The following AGAP3 variants were observed in gnomAD, a reference collection of about 807,000 sequenced individuals.
AGAP3 encodes ArfGAP with GTPase domain, ankyrin repeat and PH domain 3, also known as arf-GAP with GTPase, ANK repeat and PH domain-containing protein 3.
Under a neutral mutation model 96.9 loss-of-function variants are expected in AGAP3, and 24 were observed. That is an observed-to-expected ratio of 0.25 (90% CI 0.18 to 0.35). The LOEUF is 0.35. Among genes scored for constraint, AGAP3 ranks in the 10% least tolerant of loss-of-function variants. The probability of loss-of-function intolerance (pLI) is 1.00; values close to 1 mark genes in which losing one functional copy is unlikely to be tolerated. For missense variants in AGAP3, 876 were observed against 1,254.2 expected, an observed-to-expected ratio of 0.70 and a Z score of 4.55; for synonymous variants, 563 against 536.1, an observed-to-expected ratio of 1.05 and a Z score of -0.69.
intron 1 of AGAP3, 148 bp downstream of exon 1, chr7:151,087,220 T>TG (rs895069508): frequency 1.7e-4 from 138 of 833,636 alleles, no homozygotes; most frequent in Non-Finnish European, 2.3e-4. Flanking sequence ...CCGATCTGTG[T>TG]TGCAGAACCG....
intron 3 of AGAP3, 50 bp from the exon 4 acceptor site, chr7:151,117,321 C>T (rs1395307381): frequency 1.2e-6 from 2 of 1,610,090 alleles, no homozygotes; most frequent in South Asian, 2.2e-5. Context: ...TCTTCTTGGC[C>T]CCTGGATTCT....
At chr7:151,130,310 G>C (rs2150513058) in intron 10 of AGAP3, among the ~76,000 whole-genome samples, 1 of 152,298 alleles carries the variant, frequency 6.6e-6, no homozygotes, top group South Asian at 2.1e-4. Flanking sequence ...GTGGGGTTGG[G>C]CTGGGTTTTG....
intron 1 of AGAP3, among the ~76,000 whole-genome samples, chr7:151,087,390 C>A (rs1214386327): frequency 6.6e-6 from 1 of 152,048 alleles, no homozygotes; most frequent in Non-Finnish European, 1.5e-5. Context: ...GCTTCAGCTG[C>A]GGGGAGGTGG....
At position 151,118,735 on chromosome 7, in the gene AGAP3, T is replaced by A; in HGVS notation, c.969+103T>A. ...GGCCTCCTGCTCACACCTGTCCACC[T>A]TCCTCTGGCCTCCCAGCCTTGCATG... On this transcript the variant is annotated intron_variant, in intron 7 of 17. Transcript: ENST00000397238. This position sits in a 1 kb window ranked among gnomAD's most constrained non-coding sequence, Gnocchi z 6.1. 7.0e-7 allele frequency: 1 copy of A among 1,429,436 alleles called. No individual in the cohort carries two copies. The highest frequency in any genetic ancestry group is 2.2e-4 in the Middle Eastern group (1 of 4,562). 88.5% of individuals were successfully genotyped at this position (1,429,436 alleles called of 1,614,324 possible).
intron 10 of AGAP3, among the ~76,000 whole-genome samples, chr7:151,129,198 C>T (rs1800303717): frequency 6.6e-6 from 1 of 152,074 alleles, no homozygotes; most frequent in South Asian, 2.1e-4. Flanking sequence ...CCCTGTGCAG[C>T]TCCCCCACCC....
At chr7:151,098,371 A>G (rs774272530) in intron 1 of AGAP3, among the ~76,000 whole-genome samples, 87 of 152,056 alleles carry the variant, frequency 5.7e-4, no homozygotes, top group Non-Finnish European at 1.1e-3. Flanking sequence ...ACACACACAT[A>G]CAAACACACA....
Position 151,122,314 on chromosome 7 carries a change from TCTCCTTGTTCC to T in AGAP3, c.1129-1476_1129-1466del, listed in dbSNP as rs574311349. ...CTCTCCGGCGGCTCTTTTGCCCGGT[TCTCCTTGTTCC>T]CTCTGGCCTTGCTTTCTCCCACGCT... On this transcript the variant is annotated intron_variant, in intron 8 of 17. Coordinates refer to ENST00000397238, the MANE Select transcript of AGAP3 (RefSeq NM_031946.7). 1.5e-3 allele frequency among the ~76,000 whole-genome samples: 221 copies of T among 152,292 alleles called. 1 individual carries two copies. The highest frequency in any genetic ancestry group is 5.2e-3 in the African/African-American group (216 of 41,568).
intron 8 of AGAP3, among the ~76,000 whole-genome samples, chr7:151,121,728 C>G (rs1040225465): frequency 6.6e-6 from 1 of 152,180 alleles, no homozygotes; most frequent in Admixed American, 6.5e-5. Flanking sequence ...CTCACAGCGG[C>G]GACCTTATAT....
chr7:151,143,919 G>A lies in AGAP3; in HGVS notation c.2712G>A (p.Leu904=), dbSNP rs781523562. Reference sequence around the variant, plus strand: ...ATGGCACCAACCCCTCTGCTGAGCTGCACCGTAGTCCTAGCCTCCTATAAG... The same window carrying A: ...ATGGCACCAACCCCTCTGCTGAGCTACACCGTAGTCCTAGCCTCCTATAAG... ...PANGTNPSAE[L]HRSPSLL Residue 904 remains leucine, a synonymous_variant, in exon 18 of 18, where the codon CTG becomes CTA. Coordinates refer to ENST00000397238, the MANE Select transcript of AGAP3 (RefSeq NM_031946.7). This position sits in a 1 kb window ranked among gnomAD's most constrained non-coding sequence, Gnocchi z 5.9. The A allele has an allele frequency of 9.3e-6, 15 of 1,614,066 alleles. No individual in the cohort carries two copies. In the South Asian group the frequency reaches 1.4e-4, roughly 15 times the overall value.
chr7:151,099,817 T>TG (rs1003772184), intron 1 of AGAP3, among the ~76,000 whole-genome samples: 3 of 152,238 alleles, frequency 2.0e-5, no homozygotes, highest in Non-Finnish European at 4.4e-5. Flanking sequence ...GTAAGGTTTT[T>TG]TTTGTTTGTT....
intron 9 of AGAP3, among the ~76,000 whole-genome samples, chr7:151,127,785 G>A (rs763804604): frequency 5.3e-5 from 8 of 152,324 alleles, no homozygotes; most frequent in African/African-American, 1.4e-4. Context: ...GTTGAGCATC[G>A]TCTCCTTCTA....
Position 151,102,028 on chromosome 7 carries a change from G to A in AGAP3, c.332-14765G>A, listed in dbSNP as rs1398143272. Among the ~76,000 whole-genome samples, 4 of 152,212 alleles carry A rather than the reference G, an allele frequency of 2.6e-5. No individual in the cohort carries two copies. The East Asian group carries it at 7.7e-4, about 29-fold the overall frequency. ...AAGGGTAAAATAAAGCAGAGGTGCA[G>A]ATGACAGCCTGCTTAGGCTGGGAGT... On this transcript the variant is annotated intron_variant, in intron 1 of 17. Transcript: ENST00000397238.
intron 8 of AGAP3, chr7:151,122,894 C>A: frequency 6.5e-7 from 1 of 1,530,964 alleles, no homozygotes; most frequent in Non-Finnish European, 8.7e-7. Flanking sequence ...CGCCGAGCTC[C>A]CCACTCCAGA....
chr7:151,118,429 G>T lies in AGAP3; in HGVS notation c.842-76G>T. 6.3e-7 allele frequency: 1 copy of T among 1,599,782 alleles called. No individual in the cohort carries two copies. Among genetic ancestry groups the T allele is most frequent in the Non-Finnish European group, 8.6e-7 (1 of 1,169,040 alleles). ...AGGCTCCCAGTGAGAGCAAGGCTGT[G>T]TGTCTGGGGGGAGGTGCTAAGCCAG... On this transcript the variant is annotated intron_variant, in intron 6 of 17. Transcript: ENST00000397238. This position sits in a 1 kb window ranked among gnomAD's most constrained non-coding sequence, Gnocchi z 6.1.
At chr7:151,113,559 G>A (rs1217397018) in intron 1 of AGAP3, among the ~76,000 whole-genome samples, 1 of 152,222 alleles carries the variant, frequency 6.6e-6, no homozygotes, top group Non-Finnish European at 1.5e-5. Flanking sequence ...AGGGACGCTG[G>A]GAGTTGGGCT....
intron 1 of AGAP3, among the ~76,000 whole-genome samples, chr7:151,112,954 G>A (rs995362500): frequency 2.0e-5 from 3 of 151,668 alleles, no homozygotes; most frequent in African/African-American, 7.3e-5. Flanking sequence ...GGCTGGTCTC[G>A]GACTCCTGAC....
At chr7:151,120,928 G>C (rs906273214) in intron 8 of AGAP3, 1 of 960,262 alleles carries the variant, frequency 1.0e-6, no homozygotes, top group African/African-American at 1.8e-5. Context: ...CTCCAGCCGG[G>C]CTTGGCTGGA....
rs555868843 is a variant in AGAP3 at position 151,133,802 on chromosome 7, G to A, written c.1327-598G>A. On this transcript the variant is annotated intron_variant, in intron 10 of 17. Transcript: ENST00000397238. This position sits in a 1 kb window ranked among gnomAD's most constrained non-coding sequence, Gnocchi z 5.4. Reference sequence around the variant, plus strand: ...CGCGACAGGCAGATGACATGACGGCGATGACGATGACTGCCGCCAGGGAAT... The same window carrying A: ...CGCGACAGGCAGATGACATGACGGCAATGACGATGACTGCCGCCAGGGAAT... Among the ~76,000 whole-genome samples, 11 of 152,320 alleles carry A rather than the reference G, an allele frequency of 7.2e-5. No individual in the cohort carries two copies. The East Asian group carries it at 1.3e-3, about 19-fold the overall frequency.
chr7:151,104,012 G>A (rs1169916890), intron 1 of AGAP3, among the ~76,000 whole-genome samples: 7 of 152,228 alleles, frequency 4.6e-5, no homozygotes, highest in African/African-American at 9.6e-5. Context: ...TGGCGGGGGC[G>A]TGAGGACTGG....
Sources: gnomAD v4.1 joint callset for allele counts (sites outside exome capture counted in the v4.1 genomes callset) on GRCh38, gnomAD v4.1.1 for gene constraint, Gnocchi (gnomAD v3.1) non-coding constraint, MANE v1.5 for transcripts, NCBI Gene and HGNC (gene_info 2026-07-23, HGNC 2026-07-21) for gene names.